The following RSPH14 variants were observed in gnomAD, a reference collection of about 807,000 sequenced individuals.
RSPH14 encodes the protein radial spoke head 14 homolog, also known as rhabdoid tumor deletion region gene 1.
Under a neutral mutation model 26.7 loss-of-function variants are expected in RSPH14, and 20 were observed. The observed-to-expected ratio is 0.75, with a 90% confidence interval of 0.53 to 1.09. The LOEUF (loss-of-function observed/expected upper bound fraction) is 1.09, where lower values mean the gene tolerates loss of function less well. Among genes scored for constraint, RSPH14 ranks in the 50% least tolerant of loss-of-function variants. The pLI is 0.00. For synonymous variants in RSPH14, 177 were observed against 189.3 expected, an observed-to-expected ratio of 0.93 and a Z score of 0.53; for missense variants, 449 against 457.2, an observed-to-expected ratio of 0.98 and a Z score of 0.16.
the RSPH14 span, among the ~76,000 whole-genome samples, chr22:23,167,958 C>A: frequency 6.6e-6 from 1 of 152,242 alleles, no homozygotes; most frequent in African/African-American, 2.4e-5. Flanking sequence ...GCAATCCCCC[C>A]ACCCCAGCCT....
chr22:23,120,762 C>G (rs1381391614), intron 4 of RSPH14, among the ~76,000 whole-genome samples: 1 of 152,046 alleles, frequency 6.6e-6, no homozygotes, highest in Non-Finnish European at 1.5e-5. Flanking sequence ...CCCTGCCATC[C>G]CTGCCTGGCT....
chr22:23,097,373 C>G (rs1404938943), intron 4 of RSPH14, among the ~76,000 whole-genome samples: 1 of 152,218 alleles, frequency 6.6e-6, no homozygotes, highest in Non-Finnish European at 1.5e-5. Flanking sequence ...AGCTTTGGAC[C>G]TGTGCCCCAG....
intron 3 of RSPH14, chr22:23,136,065 G>T (rs2070476114): frequency 2.4e-6 from 1 of 419,754 alleles, no homozygotes. Context: ...GTCACCGTTG[G>T]ACACACAAGT....
intron 5 of RSPH14, 45 bp downstream of exon 5, chr22:23,063,857 C>T (rs1349211094): frequency 5.7e-6 from 9 of 1,586,690 alleles, no homozygotes; most frequent in Non-Finnish European, 7.8e-6. Flanking sequence ...AGCTCAGGTG[C>T]CTTCTCCCAG....
chr22:23,158,210 A>G, the RSPH14 span, among the ~76,000 whole-genome samples: 1 of 152,308 alleles, frequency 6.6e-6, no homozygotes, highest in African/African-American at 2.4e-5. Flanking sequence ...AACTGCCTTT[A>G]TCGCTTGAGA....
At chr22:23,079,783 G>A (rs961875344) in intron 4 of RSPH14, among the ~76,000 whole-genome samples, 9 of 152,148 alleles carry the variant, frequency 5.9e-5, no homozygotes. Context: ...GTTCCCCTGA[G>A]GCTGGCTGGG....
At chr22:23,062,008 G>C (rs1169504796) in intron 5 of RSPH14, 63 bp from the exon 6 acceptor site, 1 of 1,595,828 alleles carries the variant, frequency 6.3e-7, no homozygotes, top group Non-Finnish European at 8.5e-7. Flanking sequence ...CAAGGCCCAG[G>C]AGTGCCCCAG....
At chr22:23,167,942 C>T in the RSPH14 span, among the ~76,000 whole-genome samples, 1 of 152,054 alleles carries the variant, frequency 6.6e-6, no homozygotes, top group African/African-American at 2.4e-5. Flanking sequence ...AACTTTCCAT[C>T]ATCAAGCAAT....
At chr22:23,122,954 G>C (rs952867399) in intron 4 of RSPH14, 7 of 633,706 alleles carry the variant, frequency 1.1e-5, no homozygotes, top group Non-Finnish European at 2.0e-5. Context: ...TTCCCCAGCA[G>C]AAGGAGGTGC....
At chr22:23,115,739 T>A (rs2069812819) in intron 4 of RSPH14, among the ~76,000 whole-genome samples, 1 of 152,222 alleles carries the variant, frequency 6.6e-6, no homozygotes, top group Non-Finnish European at 1.5e-5. Flanking sequence ...GGGGCTCATG[T>A]TTGAGCCATT....
rs138072474 is a variant in RSPH14, at chr22:23,121,066, A to G, written c.421+12960T>C. On this transcript the variant is annotated intron_variant, in intron 4 of 6. Coordinates refer to ENST00000216036, the MANE Select transcript of RSPH14 (RefSeq NM_014433.3). ...CAGAATGTGACATTCCTAGACCACC[A>G]CTTATCTCACATTTGGGAATGTGCA... 3.3e-3 allele frequency among the ~76,000 whole-genome samples: 501 copies of G among 152,216 alleles called. 3 individuals are homozygous for G. Among genetic ancestry groups the G allele is most frequent in the African/African-American group, 0.012 (478 of 41,524 alleles).
At chr22:23,164,676 C>T in the RSPH14 span, among the ~76,000 whole-genome samples, 1 of 152,208 alleles carries the variant, frequency 6.6e-6, no homozygotes, top group Non-Finnish European at 1.5e-5. Flanking sequence ...GCGGCAATGA[C>T]CACAGTGACC....
the RSPH14 span, chr22:23,153,151 C>T: frequency 6.9e-6 from 11 of 1,600,806 alleles, no homozygotes; most frequent in South Asian, 5.5e-5. Flanking sequence ...TGCTGGTTCC[C>T]CCATGGCTCG....
the RSPH14 span, chr22:23,161,740 C>T: frequency 4.2e-5 from 25 of 601,300 alleles, no homozygotes; most frequent in African/African-American, 2.8e-4. Flanking sequence ...GTCACTTGTC[C>T]GTTGCAGGTT....
intron 4 of RSPH14, among the ~76,000 whole-genome samples, chr22:23,133,635 G>A (rs1232861281): frequency 6.6e-6 from 1 of 152,170 alleles, no homozygotes; most frequent in Non-Finnish European, 1.5e-5. Flanking sequence ...TGTCGCCCGG[G>A]CTAGAGTGCA....
At chr22:23,077,494 C>T (rs1461372598) in intron 4 of RSPH14, among the ~76,000 whole-genome samples, 1 of 152,286 alleles carries the variant, frequency 6.6e-6, no homozygotes, top group African/African-American at 2.4e-5. Flanking sequence ...GATCTCTGTT[C>T]CAGCAAGGAG....
the RSPH14 span, chr22:23,161,541 C>T: frequency 6.2e-7 from 1 of 1,612,222 alleles, no homozygotes; most frequent in Non-Finnish European, 8.5e-7. Flanking sequence ...GAGCAAGAGG[C>T]CCTCCAGCCT....
At chr22:23,156,133 T>A in the RSPH14 span, 1 of 726,160 alleles carries the variant, frequency 1.4e-6, no homozygotes, top group Non-Finnish European at 2.1e-6. Flanking sequence ...GCACCAGTTT[T>A]TTGTCCTCCA....
At chr22:23,179,016 A>C in the RSPH14 span, among the ~76,000 whole-genome samples, 3 of 152,180 alleles carry the variant, frequency 2.0e-5, no homozygotes, top group Admixed American at 1.3e-4. Context: ...CATGAAGAAC[A>C]GATGACAAAA....
Sources: allele counts gnomAD v4.1 joint callset (sites outside exome capture counted in the v4.1 genomes callset), GRCh38; gene constraint gnomAD v4.1.1; transcripts MANE v1.5; gene names NCBI Gene and HGNC (gene_info 2026-07-23, HGNC 2026-07-21).